The following PALM2AKAP2 variants were observed in gnomAD, a reference collection of about 807,000 sequenced individuals.
PALM2AKAP2 encodes the protein PALM2-AKAP2 fusion protein.
In PALM2AKAP2, 37 loss-of-function variants were observed where a neutral mutation model predicts 71.5. That is an observed-to-expected ratio of 0.52 (90% CI 0.40 to 0.68). The LOEUF (loss-of-function observed/expected upper bound fraction) is 0.68. PALM2AKAP2 is among the 30% of genes least tolerant of loss of function. The pLI is 0.00. For missense variants in PALM2AKAP2, 1,224 were observed against 1,191.8 expected, an observed-to-expected ratio of 1.03 and a Z score of -0.40; for synonymous variants, 468 against 478.8, an observed-to-expected ratio of 0.98 and a Z score of 0.29.
At chr9:110,055,381 A>C (rs1309260307) in intron 1 of PALM2AKAP2, among the ~76,000 whole-genome samples, 1 of 151,974 alleles carries the variant, frequency 6.6e-6, no homozygotes. Context: ...TTTTTAGTAG[A>C]GGTGAGGTTT....
In PALM2AKAP2 at chr9:109,782,936, C is replaced by T. The variant is rs556022537; in HGVS notation, c.45+2403C>T. ...TCTCTCATCACTTTCCTGGAGTTCT[C>T]AGGGGACCCTGAGGAGATCACAAGC... On this transcript the variant is annotated intron_variant, in intron 1 of 9. Transcript: ENST00000302798. Among the ~76,000 whole-genome samples the T allele has an allele frequency of 5.9e-5, 9 of 152,208 alleles. No homozygotes were observed. The South Asian group carries it at 1.9e-3, about 32-fold the overall frequency.
At chr9:109,700,045 A>T (rs1336362664) in intron 1 of PALM2AKAP2, among the ~76,000 whole-genome samples, 1 of 152,140 alleles carries the variant, frequency 6.6e-6, no homozygotes, top group African/African-American at 2.4e-5. Context: ...GATTGCTGAG[A>T]TTACAGGCTT....
intron 1 of PALM2AKAP2, among the ~76,000 whole-genome samples, chr9:110,078,195 T>G (rs889063335): frequency 5.3e-5 from 8 of 152,188 alleles, no homozygotes; most frequent in African/African-American, 1.7e-4. Context: ...CGACCAGATT[T>G]GGCACATGGG....
intron 1 of PALM2AKAP2, among the ~76,000 whole-genome samples, chr9:110,135,279 C>G: frequency 2.1e-5 from 2 of 96,716 alleles, no homozygotes; most frequent in Admixed American, 1.5e-4. Flanking sequence ...CAGCCTGGGC[C>G]ACAGAGCAAA....
chr9:109,780,401 C>A (rs573655182), upstream of PALM2AKAP2: 4 of 1,608,106 alleles, frequency 2.5e-6, no homozygotes, highest in Admixed American at 5.0e-5. Context: ...TCTAGCAAAG[C>A]CCCCCGGGGT....
chr9:109,843,687 G>T (rs1828771687), intron 1 of PALM2AKAP2, among the ~76,000 whole-genome samples: 1 of 152,160 alleles, frequency 6.6e-6, no homozygotes, highest in Non-Finnish European at 1.5e-5. Context: ...AAAGTCGATA[G>T]TGTGTGTGTG....
chr9:109,817,221 A>G (rs1046972894), intron 1 of PALM2AKAP2, among the ~76,000 whole-genome samples: 1 of 152,202 alleles, frequency 6.6e-6, no homozygotes, highest in African/African-American at 2.4e-5. Flanking sequence ...CACTTTGTGG[A>G]TGTTGAGTTG....
chr9:110,087,089 C>T (rs1834591083), intron 1 of PALM2AKAP2, among the ~76,000 whole-genome samples: 1 of 152,192 alleles, frequency 6.6e-6, no homozygotes, highest in Non-Finnish European at 1.5e-5. Context: ...AACTATCTCA[C>T]ATCTCCCTGT....
chr9:109,828,593 A>G (rs553626360), intron 1 of PALM2AKAP2, among the ~76,000 whole-genome samples: 1 of 152,362 alleles, frequency 6.6e-6, no homozygotes, highest in African/African-American at 2.4e-5. Flanking sequence ...TAATATAAAA[A>G]TGATAGTCAT....
chr9:110,024,520 A>G (rs556294053), intron 7 of PALM2AKAP2, among the ~76,000 whole-genome samples: 102 of 152,186 alleles, frequency 6.7e-4, no homozygotes, highest in Non-Finnish European at 1.1e-3. Context: ...ATGGTGGCTT[A>G]CGCCTGTGAT....
intron 1 of PALM2AKAP2, among the ~76,000 whole-genome samples, chr9:110,055,847 A>G (rs1378263865): frequency 2.0e-5 from 3 of 152,154 alleles, no homozygotes; most frequent in East Asian, 1.9e-4. Context: ...TTAGTCTTTT[A>G]TGAGTTAGAA....
At chr9:110,133,971 A>C (rs1321805111) in intron 1 of PALM2AKAP2, among the ~76,000 whole-genome samples, 1 of 152,226 alleles carries the variant, frequency 6.6e-6, no homozygotes, top group Admixed American at 6.5e-5. Context: ...TGTCTCATCC[A>C]ACAAAAAGTT....
At chr9:109,841,265 G>A (rs1476638788) in intron 1 of PALM2AKAP2, among the ~76,000 whole-genome samples, 1 of 146,460 alleles carries the variant, frequency 6.8e-6, no homozygotes, top group Non-Finnish European at 1.5e-5. Context: ...CTATCGCAGG[G>A]ACAAAAAACC....
chr9:110,111,223 C>G (rs1424718501), intron 1 of PALM2AKAP2, among the ~76,000 whole-genome samples: 1 of 150,084 alleles, frequency 6.7e-6, no homozygotes, highest in Admixed American at 6.7e-5. Context: ...TCGTGAATAG[C>G]TGGGGTCACA....
intron 1 of PALM2AKAP2, among the ~76,000 whole-genome samples, chr9:109,834,566 T>C (rs1316037452): frequency 2.6e-5 from 4 of 151,830 alleles, no homozygotes; most frequent in Admixed American, 1.3e-4. Context: ...CCTTGGAAAA[T>C]ACAGGGTCCA....
chr9:109,687,038 T>C (rs1460037112), intron 1 of PALM2AKAP2, among the ~76,000 whole-genome samples: 3 of 152,306 alleles, frequency 2.0e-5, no homozygotes, highest in South Asian at 2.1e-4. Context: ...TAGTATTCCA[T>C]GGTGTATATG....
intron 1 of PALM2AKAP2, among the ~76,000 whole-genome samples, chr9:109,755,744 G>T (rs919171639): frequency 6.6e-6 from 1 of 151,200 alleles, no homozygotes; most frequent in African/African-American, 2.4e-5. Context: ...TTTCCATAAT[G>T]CCCTCATGAC....
intron 3 of PALM2AKAP2, among the ~76,000 whole-genome samples, chr9:110,162,665 G>A (rs1836631117): frequency 6.6e-6 from 1 of 152,080 alleles, no homozygotes; most frequent in Non-Finnish European, 1.5e-5. Context: ...CTTTAAACGT[G>A]TATTTTTATT....
At chr9:110,013,850 A>G (rs1832926333) in intron 6 of PALM2AKAP2, among the ~76,000 whole-genome samples, 1 of 152,182 alleles carries the variant, frequency 6.6e-6, no homozygotes, top group African/African-American at 2.4e-5. Flanking sequence ...CCTTTTGTTC[A>G]GTTGATTCTT....
Sources: gnomAD v4.1 joint callset for allele counts (sites outside exome capture counted in the v4.1 genomes callset) on GRCh38, gnomAD v4.1.1 for gene constraint, MANE v1.5 for transcripts, NCBI Gene and HGNC (gene_info 2026-07-23, HGNC 2026-07-21) for gene names.